NRG1: variants seen among roughly 807,000 people sequenced by gnomAD.
The protein encoded by NRG1 is pro-neuregulin-1, membrane-bound isoform.
NRG1 carries 18 observed loss-of-function variants against 63.8 expected under a neutral mutation model. That is an observed-to-expected ratio of 0.28 (90% CI 0.19 to 0.42). The LOEUF is 0.42. Ranked by LOEUF, NRG1 falls within the 10% of genes least tolerant of loss-of-function variation. NRG1 has a pLI of 1.00. For missense variants in NRG1, 762 were observed against 814.7 expected (o/e 0.94, Z 0.79); for synonymous variants, 302 against 301.3 (o/e 1.00, Z -0.02).
At chr8:31,790,082 A>AAGG (rs752738463) in intron 1 of NRG1, among the ~76,000 whole-genome samples, 4 of 152,236 alleles carry the variant, frequency 2.6e-5, no homozygotes, top group Non-Finnish European at 4.4e-5. Flanking sequence ...GTGAGGTCTT[A>AAGG]TTCAGCATAG....
upstream of NRG1, among the ~76,000 whole-genome samples, chr8:32,543,425 A>C (rs936613997): frequency 3.3e-5 from 5 of 152,124 alleles, no homozygotes; most frequent in Admixed American, 2.0e-4. Context: ...CAGAAAAAAT[A>C]ACTGAAAAGT....
intron 1 of NRG1, among the ~76,000 whole-genome samples, chr8:31,684,673 A>G (rs1261719065): frequency 2.0e-5 from 3 of 152,170 alleles, no homozygotes; most frequent in East Asian, 1.9e-4. Context: ...ATAACACTAG[A>G]TCACTTTTTT....
chr8:32,182,218 G>A (rs1037155076), intron 1 of NRG1, among the ~76,000 whole-genome samples: 2 of 152,036 alleles, frequency 1.3e-5, no homozygotes, highest in Non-Finnish European at 2.9e-5. Flanking sequence ...ACAGAGAGGA[G>A]TATGGAGAAC....
rs1854326125 is a variant in NRG1 at position 32,648,955 on chromosome 8, T to G, written c.502+32070T>G. ...TTAAGACATTTACGGTGCTAGCCTC[T>G]CACTAGCTTGAGACGACTGCTGTCC... is the stretch of plus-strand genomic sequence containing the variant. On this transcript the variant is annotated intron_variant, in intron 5 of 11. Transcript: ENST00000356819. 2.0e-5 allele frequency among the ~76,000 whole-genome samples: 3 copies of G among 152,176 alleles called. No individual in the cohort carries two copies. The South Asian group carries it at 6.2e-4, about 32-fold the overall frequency.
intron 1 of NRG1, among the ~76,000 whole-genome samples, chr8:32,124,931 A>G (rs925123116): frequency 3.4e-4 from 51 of 152,044 alleles, no homozygotes; most frequent in African/African-American, 1.2e-3. Flanking sequence ...TATGGGCTGA[A>G]TATGCCCCCT....
At chr8:32,414,867 A>G (rs1213092055) in intron 1 of NRG1, among the ~76,000 whole-genome samples, 2 of 152,188 alleles carry the variant, frequency 1.3e-5, no homozygotes, top group Non-Finnish European at 2.9e-5. Flanking sequence ...TTAGGAGTCC[A>G]GAGAATCTAA....
chr8:32,301,680 C>A (rs1158461528), intron 1 of NRG1, among the ~76,000 whole-genome samples: 1 of 152,054 alleles, frequency 6.6e-6, no homozygotes, highest in African/African-American at 2.4e-5. Context: ...TGGCAGCAGG[C>A]AAAAAGAGAG....
chr8:31,806,824 C>T (rs559192665), intron 1 of NRG1, among the ~76,000 whole-genome samples: 6 of 152,002 alleles, frequency 3.9e-5, no homozygotes, highest in African/African-American at 1.4e-4. Flanking sequence ...CTAATAAGAC[C>T]AACCCATTAA....
chr8:32,252,519 A>G (rs1002252183), intron 1 of NRG1, among the ~76,000 whole-genome samples: 2 of 152,016 alleles, frequency 1.3e-5, no homozygotes, highest in African/African-American at 4.8e-5. Flanking sequence ...GTGTGGCATT[A>G]TTTCTGAGGC....
At chr8:32,164,091 C>T (rs1297831426) in intron 1 of NRG1, among the ~76,000 whole-genome samples, 1 of 152,164 alleles carries the variant, frequency 6.6e-6, no homozygotes, top group Non-Finnish European at 1.5e-5. Context: ...CCCCTCACCT[C>T]CGGACCTTTT....
intron 1 of NRG1, among the ~76,000 whole-genome samples, chr8:31,851,690 G>A (rs1827238016): frequency 6.6e-6 from 1 of 151,206 alleles, no homozygotes; most frequent in African/African-American, 2.4e-5. Context: ...CATGTGCCAT[G>A]CTGGTGCGCT....
At chr8:32,159,487 TTG>T in intron 1 of NRG1, among the ~76,000 whole-genome samples, 1 of 147,456 alleles carries the variant, frequency 6.8e-6, no homozygotes, top group African/African-American at 2.6e-5. Context: ...TGAGCCGAGA[TTG>T]CGCCACTGCA....
At chr8:32,157,105 T>A (rs1838184259) in intron 1 of NRG1, among the ~76,000 whole-genome samples, 1 of 147,748 alleles carries the variant, frequency 6.8e-6, no homozygotes, top group South Asian at 2.1e-4. Context: ...GAGAGGTGGC[T>A]CATACCTGTA....
intron 5 of NRG1, among the ~76,000 whole-genome samples, chr8:32,630,833 G>C (rs10103255): frequency 0.31 from 46,330 of 151,228 alleles, 7,403 homozygotes; most frequent in Non-Finnish European, 0.34. Context: ...ACTGACTGAC[G>C]ATAATTAAAC....
intron 5 of NRG1, among the ~76,000 whole-genome samples, chr8:32,710,686 A>G (rs1817591939): frequency 6.6e-6 from 1 of 152,336 alleles, no homozygotes; most frequent in South Asian, 2.1e-4. Context: ...AGAATCCCTT[A>G]TAACACTCTG....
chr8:32,171,988 G>T (rs1004591030), intron 1 of NRG1, among the ~76,000 whole-genome samples: 1 of 152,300 alleles, frequency 6.6e-6, no homozygotes, highest in African/African-American at 2.4e-5. Flanking sequence ...TGACAGCTTT[G>T]AAGAGAGTAG....
chr8:32,658,918 A>T (rs555107452), intron 5 of NRG1, among the ~76,000 whole-genome samples: 4 of 152,288 alleles, frequency 2.6e-5, no homozygotes, highest in East Asian at 3.9e-4. Context: ...TGTTTTGGTG[A>T]CATATTTTGC....
At chr8:32,337,956 A>G (rs1803537297) in intron 1 of NRG1, among the ~76,000 whole-genome samples, 1 of 152,194 alleles carries the variant, frequency 6.6e-6, no homozygotes, top group Non-Finnish European at 1.5e-5. Context: ...CCTGGATCTC[A>G]GTATTATACT....
intron 1 of NRG1, among the ~76,000 whole-genome samples, chr8:32,278,256 C>T (rs1852319064): frequency 6.6e-6 from 1 of 152,024 alleles, no homozygotes; most frequent in South Asian, 2.1e-4. Context: ...AAATGAGAAA[C>T]TGACTGACTA....
Sources: gnomAD v4.1 joint callset for allele counts (sites outside exome capture counted in the v4.1 genomes callset) on GRCh38, gnomAD v4.1.1 for gene constraint, MANE v1.5 for transcripts, NCBI Gene and HGNC (gene_info 2026-07-23, HGNC 2026-07-21) for gene names.